The following MAD1L1 variants were observed in gnomAD, a reference collection of about 807,000 sequenced individuals.
MAD1L1 encodes the protein mitotic arrest deficient 1 like 1.
MAD1L1 carries 95 observed loss-of-function variants against 96.9 expected under a neutral mutation model. The ratio of observed to expected loss-of-function variants is 0.98; its 90% CI spans 0.83 to 1.16. MAD1L1 has a LOEUF of 1.16. Ranked by LOEUF, MAD1L1 falls within the 50% of genes most tolerant of loss-of-function variation. MAD1L1 has a pLI of 0.00. For synonymous variants in MAD1L1, 473 were observed against 396.6 expected (o/e 1.19, Z -2.29); for missense variants, 1,007 against 954.4 (o/e 1.06, Z -0.73).
intron 10 of MAD1L1, among the ~76,000 whole-genome samples, chr7:2,166,691 G>C (rs1276153424): frequency 1.3e-5 from 2 of 152,268 alleles, no homozygotes; most frequent in African/African-American, 4.8e-5. Context: ...CCGCTTCCGG[G>C]AGGCGTGGCC....
At chr7:2,034,221 CTT>C (rs565833842) in intron 12 of MAD1L1, among the ~76,000 whole-genome samples, 42 of 143,702 alleles carry the variant, frequency 2.9e-4, no homozygotes, top group Non-Finnish European at 2.8e-4. Context: ...AAAGAGTCTC[CTT>C]TTTTTTTTTT....
At chr7:2,031,430 C>T (rs538805386) in intron 12 of MAD1L1, among the ~76,000 whole-genome samples, 2 of 152,362 alleles carry the variant, frequency 1.3e-5, no homozygotes, top group East Asian at 3.9e-4. Flanking sequence ...AAAAGCTCTA[C>T]AACACCTATT....
chr7:1,929,797 TCGCCCCGTCCC>T (rs2128460267), intron 17 of MAD1L1, among the ~76,000 whole-genome samples: 2 of 88,810 alleles, frequency 2.3e-5, no homozygotes, highest in African/African-American at 1.3e-4. Flanking sequence ...CCACGTCCCC[TCGCCCCGTCCC>T]CACTGCCACG....
intron 18 of MAD1L1, among the ~76,000 whole-genome samples, chr7:1,828,206 G>T (rs1408586911): frequency 6.6e-6 from 1 of 152,118 alleles, no homozygotes; most frequent in Admixed American, 6.5e-5. Flanking sequence ...GAAACAGCCA[G>T]AATATGAGGC....
chr7:2,180,758 G>A (rs1021863752), intron 10 of MAD1L1, among the ~76,000 whole-genome samples: 1 of 152,112 alleles, frequency 6.6e-6, no homozygotes, highest in Non-Finnish European at 1.5e-5. Flanking sequence ...CTGCAACTCT[G>A]TTGAACTTGT....
Position 2,216,144 on chromosome 7 carries a change from C to A in MAD1L1, c.809+13G>T, listed in dbSNP as rs570613905. On this transcript the variant is annotated intron_variant, in intron 8 of 18. Transcript: ENST00000265854. ...CACTCGAGGCGGCTGCCCCATCCCCCGCAACCCCTCACCGCAGGTGCGCGC... is the reference window on the plus strand; with the variant it reads ...CACTCGAGGCGGCTGCCCCATCCCCAGCAACCCCTCACCGCAGGTGCGCGC... The A allele has an allele frequency of 6.2e-7, 1 of 1,611,308 alleles. No homozygotes were observed. Among genetic ancestry groups the A allele is most frequent in the African/African-American group, 1.3e-5 (1 of 75,040 alleles).
At chr7:1,910,639 G>C (rs973868068) in intron 17 of MAD1L1, among the ~76,000 whole-genome samples, 3 of 152,226 alleles carry the variant, frequency 2.0e-5, no homozygotes, top group African/African-American at 7.2e-5. Flanking sequence ...TCTCCCTAGA[G>C]CTCACGAGCA....
intron 18 of MAD1L1, among the ~76,000 whole-genome samples, chr7:1,887,932 TGCAC>T (rs1786228035): frequency 4.0e-5 from 6 of 149,900 alleles, no homozygotes; most frequent in East Asian, 2.0e-4. Flanking sequence ...CGGCTGCCTG[TGCAC>T]GTGTGTGTAT....
At chr7:2,221,360 A>G (rs1251543608) in intron 5 of MAD1L1, among the ~76,000 whole-genome samples, 4 of 152,178 alleles carry the variant, frequency 2.6e-5, no homozygotes, top group African/African-American at 7.2e-5. Flanking sequence ...TCGGGAGCCA[A>G]TCACGCCTCC....
intron 10 of MAD1L1, among the ~76,000 whole-genome samples, chr7:2,157,758 A>G (rs1371646581): frequency 6.6e-6 from 1 of 152,208 alleles, no homozygotes; most frequent in African/African-American, 2.4e-5. Flanking sequence ...CCACACATCA[A>G]ATCCAAGACC....
At chr7:1,837,156 T>C (rs1194411779) in intron 18 of MAD1L1, among the ~76,000 whole-genome samples, 1 of 152,212 alleles carries the variant, frequency 6.6e-6, no homozygotes, top group Non-Finnish European at 1.5e-5. Flanking sequence ...TAGCAGAAGA[T>C]GTGAACAGGC....
chr7:1,825,237 G>C (rs940683504), intron 18 of MAD1L1, among the ~76,000 whole-genome samples: 8 of 152,182 alleles, frequency 5.3e-5, no homozygotes, highest in African/African-American at 1.9e-4. Context: ...TGCAACCCTC[G>C]GGCGTCTTGC....
At chr7:1,924,813 C>T (rs556504083) in intron 17 of MAD1L1, among the ~76,000 whole-genome samples, 3 of 152,224 alleles carry the variant, frequency 2.0e-5, no homozygotes, top group East Asian at 3.9e-4. Context: ...ACTACTACAA[C>T]ATAAAGGGAG....
chr7:1,936,072 C>T (rs578214575), intron 17 of MAD1L1, among the ~76,000 whole-genome samples: 61 of 152,346 alleles, frequency 4.0e-4, no homozygotes, highest in African/African-American at 1.4e-3. Context: ...TGACTCTGGA[C>T]TCCCAGCCCT....
chr7:2,061,779 T>C (rs4719414), intron 12 of MAD1L1, among the ~76,000 whole-genome samples: 6,946 of 152,368 alleles, frequency 0.046, 258 homozygotes, highest in African/African-American at 0.095. Flanking sequence ...CAGCCAAGTG[T>C]ATTTTAAAAA....
intron 11 of MAD1L1, among the ~76,000 whole-genome samples, chr7:2,075,380 A>G (rs989915428): frequency 6.6e-6 from 1 of 152,170 alleles, no homozygotes; most frequent in African/African-American, 2.4e-5. Context: ...GCTGAGCCAC[A>G]GCGGCACCAG....
At chr7:2,007,484 C>T (rs867553982) in intron 13 of MAD1L1, among the ~76,000 whole-genome samples, 2 of 144,314 alleles carry the variant, frequency 1.4e-5, no homozygotes, top group Middle Eastern at 7.1e-3. Context: ...GAGTTTGAGA[C>T]CAGCCTGGCC....
chr7:2,182,702 GCA>G (rs2128602025), intron 10 of MAD1L1, among the ~76,000 whole-genome samples: 1 of 152,300 alleles, frequency 6.6e-6, no homozygotes, highest in South Asian at 2.1e-4. Context: ...GAAAGCGCCA[GCA>G]CAGAGGCCAC....
intron 17 of MAD1L1, among the ~76,000 whole-genome samples, chr7:1,910,124 G>A (rs1157799855): frequency 2.0e-5 from 3 of 152,078 alleles, no homozygotes; most frequent in Non-Finnish European, 1.5e-5. Context: ...ATCATATTTG[G>A]AGAAGAATCC....
Sources: gnomAD v4.1 joint callset for allele counts (sites outside exome capture counted in the v4.1 genomes callset) on GRCh38, gnomAD v4.1.1 for gene constraint, MANE v1.5 for transcripts, NCBI Gene and HGNC (gene_info 2026-07-23, HGNC 2026-07-21) for gene names.